Variants in HOXB9 observed in about 807,000 individuals in gnomAD.
The protein encoded by HOXB9 is homeobox protein Hox-B9.
Under a neutral mutation model 21.5 loss-of-function variants are expected in HOXB9, and 10 were observed. The observed-to-expected ratio is 0.47, with a 90% CI of 0.29 to 0.79. HOXB9 has a LOEUF of 0.79. Among genes scored for constraint, HOXB9 ranks in the 30% least tolerant of loss-of-function variants. The pLI is 0.10. For synonymous variants in HOXB9, 156 were observed against 151.2 expected (o/e 1.03, Z -0.23); for missense variants, 375 against 338.7 (o/e 1.11, Z -0.84).
In HOXB9 at chr17:48,622,417, G is replaced by C. The variant is rs1478841247; in HGVS notation, c.*483C>G. 1 of 154,794 alleles carries C rather than the reference G, an allele frequency of 6.5e-6. No individual in the cohort carries two copies. Among genetic ancestry groups the C allele is most frequent in the Non-Finnish European group, 1.4e-5 (1 of 69,480 alleles). 9.6% of individuals were successfully genotyped at this position (154,794 alleles called of 1,614,324 possible). A position where few individuals can be genotyped will look rare whatever the true frequency, so the allele number is the denominator to read the frequency against. ...GGCTGTTTTGCCAAATTTGGTGTGC[G>C]ATGGTCTGCAACTGGAGTGTCACCT... On this transcript the variant is annotated 3_prime_UTR_variant, in exon 2 of 2. Transcript: ENST00000311177.
At chr17:48,625,115 C>A (rs2070800988) in intron 1 of HOXB9, among the ~76,000 whole-genome samples, 1 of 152,230 alleles carries the variant, frequency 6.6e-6, no homozygotes, top group Non-Finnish European at 1.5e-5. Context: ...CCGGCGCATC[C>A]GGGGAGGGGG....
intron 1 of HOXB9, among the ~76,000 whole-genome samples, chr17:48,624,505 T>C (rs992729437): frequency 2.0e-5 from 3 of 152,126 alleles, no homozygotes; most frequent in Non-Finnish European, 2.9e-5. Context: ...GGATTCCACC[T>C]GGCAGGTTGG....
At position 48,623,002 on chromosome 17, in the gene HOXB9, T is replaced by C. The variant is rs763866277; in HGVS notation, c.651A>G (p.Glu217=). ...NMYLTRDRRH[E]VARLLNLSER... Reference sequence around the variant, plus strand: ...CACTCAGATTGAGGAGTCTGGCCACTTCGTGCCTACGGTCCCTGGTGAGGT... The same window carrying C: ...CACTCAGATTGAGGAGTCTGGCCACCTCGTGCCTACGGTCCCTGGTGAGGT... The change falls in exon 2 of 2, where the codon GAA becomes GAG. Residue 217 remains glutamate (E), a synonymous_variant. Coordinates refer to ENST00000311177, the MANE Select transcript of HOXB9 (RefSeq NM_024017.5). 1.1e-5 allele frequency: 18 copies of C among 1,614,126 alleles called. No individual in the cohort carries two copies. The South Asian group carries it at 1.5e-4, about 14-fold the overall frequency.
rs368379032 is a variant in HOXB9 at position 48,622,979 on chromosome 17, C to T, written c.674G>A (p.Ser225Asn). ...AAACCAGATTTTGACTTGTCTCTCACTCAGATTGAGGAGTCTGGCCACTTC... is the reference window on the plus strand; with the variant it reads ...AAACCAGATTTTGACTTGTCTCTCATTCAGATTGAGGAGTCTGGCCACTTC... ...RHEVARLLNL[S>N]ERQVKIWFQN... Residue 225 changes from serine to asparagine, a missense_variant, in exon 2 of 2, where the codon AGT (serine) becomes AAT (asparagine). By Grantham distance (46) the Ser-to-Asn change is conservative. Transcript: ENST00000311177. The T allele has an allele frequency of 2.8e-5, 45 of 1,614,122 alleles. No individual in the cohort carries two copies. The highest frequency in any genetic ancestry group is 3.4e-5 in the Non-Finnish European group (40 of 1,180,042).
At position 48,626,066 on chromosome 17, in the gene HOXB9, C is replaced by A. The variant is rs1206969282; in HGVS notation, c.204G>T (p.Pro68=). Residue 68 remains proline (P), a synonymous_variant, in exon 1 of 2, where the codon CCG becomes CCT. Coordinates refer to ENST00000311177, the MANE Select transcript of HOXB9 (RefSeq NM_024017.5). ...CGGACGGCAGGCTCCCGGACGCGTG[C>A]GGGCTCAGCGGCGCCCAGGAGGCGC... ...VFGASWAPLS[P]HASGSLPSVY... is the part of the protein sequence containing the mutation. The A allele has an allele frequency of 6.3e-7, 1 of 1,577,136 alleles. No homozygotes were observed. Among genetic ancestry groups the A allele is most frequent in the Non-Finnish European group, 8.6e-7 (1 of 1,168,654 alleles).
At position 48,626,339 on chromosome 17, in the gene HOXB9, G is replaced by T; in HGVS notation, c.-70C>A. ...GCGCGGCGGCGCCCAAGCAGGGAGA[G>T]GTGGCACCCGGACCGGTGTGAGGGC... On this transcript the variant is annotated 5_prime_UTR_variant, in exon 1 of 2. Transcript: ENST00000311177. The T allele has an allele frequency of 6.7e-7, 1 of 1,490,904 alleles. No homozygotes were observed. Among genetic ancestry groups the T allele is most frequent in the Admixed American group, 2.0e-5 (1 of 50,492 alleles). 92.4% of individuals were successfully genotyped at this position (1,490,904 alleles called of 1,614,324 possible).
At chr17:48,623,950 G>A (rs1257815323) in intron 1 of HOXB9, among the ~76,000 whole-genome samples, 1 of 152,170 alleles carries the variant, frequency 6.6e-6, no homozygotes, top group Admixed American at 6.5e-5. Context: ...GAATAAAATT[G>A]CTCCAGTCCC....
At chr17:48,624,284 G>A (rs992884972) in intron 1 of HOXB9, among the ~76,000 whole-genome samples, 5 of 152,122 alleles carry the variant, frequency 3.3e-5, no homozygotes, top group Non-Finnish European at 5.9e-5. Flanking sequence ...AATTTGCAGC[G>A]CTATTTCCTT....
chr17:48,625,742 T>A lies in HOXB9; in HGVS notation c.517+11A>T, dbSNP rs369814321. 6.5e-7 allele frequency: 1 copy of A among 1,544,716 alleles called. No individual in the cohort carries two copies. ...TTCGGCCTGGGTATTTCCTCACTTT[T>A]TATAACTTACTTTGATCCGGCCTCT... On this transcript the variant is annotated intron_variant, in intron 1 of 1. Coordinates refer to ENST00000311177, the MANE Select transcript of HOXB9 (RefSeq NM_024017.5).
At position 48,622,873 on chromosome 17, in the gene HOXB9, G is replaced by C; in HGVS notation, c.*27C>G. 6.5e-7 allele frequency: 1 copy of C among 1,529,722 alleles called. No homozygotes were observed. Among genetic ancestry groups the C allele is most frequent in the Non-Finnish European group, 9.1e-7 (1 of 1,104,612 alleles). The allele number at this position is 1,529,722 out of a possible 1,614,324, so 94.8% of individuals were successfully genotyped here. A position where few individuals can be genotyped will look rare whatever the true frequency, so the allele number is the denominator to read the frequency against. On this transcript the variant is annotated 3_prime_UTR_variant, in exon 2 of 2. Coordinates refer to ENST00000311177, the MANE Select transcript of HOXB9 (RefSeq NM_024017.5). ...CTAAGAGTGAGATGGGGAAGAGCTA[G>C]GGAGGACTGGGGGTAATCTTTAATC...
In HOXB9 at chr17:48,622,793, T is replaced by C. The variant is rs961278878; in HGVS notation, c.*107A>G. On this transcript the variant is annotated 3_prime_UTR_variant, in exon 2 of 2. Transcript: ENST00000311177. Reference sequence around the variant, plus strand: ...AAAGGACTTGGAAGAGAGACTCCCTTCCCCATTCACTTGAATACATCCCAG... The same window carrying C: ...AAAGGACTTGGAAGAGAGACTCCCTCCCCCATTCACTTGAATACATCCCAG... 1 of 780,840 alleles carries C rather than the reference T, an allele frequency of 1.3e-6. No homozygotes were observed. The highest frequency in any genetic ancestry group is 2.1e-6 in the Non-Finnish European group (1 of 476,322). The allele number at this position is 780,840 out of a possible 1,614,324, so 48.4% of individuals were successfully genotyped here.
Position 48,626,042 on chromosome 17 carries a change from G to A in HOXB9, c.228C>T (p.Ser76=). The change falls in exon 1 of 2, where the codon TCC becomes TCT. Residue 76 remains serine (S), a synonymous_variant. Coordinates refer to ENST00000311177, the MANE Select transcript of HOXB9 (RefSeq NM_024017.5). ...GGGGCTGGATGTAAGGGTGGTAGACGGACGGCAGGCTCCCGGACGCGTGCG... is the reference window on the plus strand; with the variant it reads ...GGGGCTGGATGTAAGGGTGGTAGACAGACGGCAGGCTCCCGGACGCGTGCG... ...LSPHASGSLP[S]VYHPYIQPQG... 1 of 1,578,538 alleles carries A rather than the reference G, an allele frequency of 6.3e-7. No homozygotes were observed. Among genetic ancestry groups the A allele is most frequent in the Non-Finnish European group, 8.6e-7 (1 of 1,169,554 alleles).
intron 1 of HOXB9, 41 bp from the exon 2 acceptor site, chr17:48,623,176 G>A (rs1244659472): frequency 2.0e-6 from 3 of 1,526,324 alleles, no homozygotes; most frequent in South Asian, 1.2e-5. Flanking sequence ...AAGGAAGGGG[G>A]TGAAGGGCCC....
chr17:48,623,926 G>T (rs76976494), intron 1 of HOXB9, among the ~76,000 whole-genome samples: 8,692 of 152,242 alleles, frequency 0.057, 386 homozygotes, highest in South Asian at 0.15. Flanking sequence ...TAACGCAAGT[G>T]CAGGGAAATT....
chr17:48,622,918 C>T lies in HOXB9; in HGVS notation c.735G>A (p.Lys245=). Residue 245 remains lysine (K), a synonymous_variant, in exon 2 of 2, where the codon AAG becomes AAA. Transcript: ENST00000311177. ...NRRMKMKKMN[K]EQGKE ...TTAATCTTTACTCTTTGCCCTGCTC[C>T]TTATTCATTTTCTTCATTTTCATCC... The T allele has an allele frequency of 6.2e-7, 1 of 1,613,666 alleles. No individual in the cohort carries two copies. The highest frequency in any genetic ancestry group is 2.2e-5 in the East Asian group (1 of 44,884).
chr17:48,624,158 A>T (rs2070793262), intron 1 of HOXB9, among the ~76,000 whole-genome samples: 1 of 152,194 alleles, frequency 6.6e-6, no homozygotes, highest in Non-Finnish European at 1.5e-5. Flanking sequence ...AAATAAAGCT[A>T]AGCCAATTAA....
Position 48,622,207 on chromosome 17 carries a change from G to T in HOXB9, c.*693C>A, listed in dbSNP as rs2070776359. Reference sequence around the variant, plus strand: ...TTGTACTTTCTAGCCCACCGGCTTGGGGGCTAGGTTTGCTCCATCTTCCCC... The same window carrying T: ...TTGTACTTTCTAGCCCACCGGCTTGTGGGCTAGGTTTGCTCCATCTTCCCC... On this transcript the variant is annotated 3_prime_UTR_variant, in exon 2 of 2. Transcript: ENST00000311177. 1 of 152,612 alleles carries T rather than the reference G, an allele frequency of 6.6e-6. No homozygotes were observed. The highest frequency in any genetic ancestry group is 1.5e-5 in the Non-Finnish European group (1 of 68,056). The allele number at this position is 152,612 out of a possible 1,614,324, so 9.5% of individuals were successfully genotyped here.
At chr17:48,624,042 C>T (rs2070792352) in intron 1 of HOXB9, among the ~76,000 whole-genome samples, 1 of 152,098 alleles carries the variant, frequency 6.6e-6, no homozygotes, top group African/African-American at 2.4e-5. Flanking sequence ...TATGTGGGGG[C>T]TGGAGGGGAG....
In HOXB9 at chr17:48,622,105, A is replaced by G. The variant is rs1240637005; in HGVS notation, c.*795T>C. The stretch of plus-strand genomic sequence containing the variant: ...CATGCGGAATTAAACATTTCCTGCA[A>G]CAAAATGTATATGTTGGTGGGAGGT... On this transcript the variant is annotated 3_prime_UTR_variant, in exon 2 of 2. Coordinates refer to ENST00000311177, the MANE Select transcript of HOXB9 (RefSeq NM_024017.5). The G allele has an allele frequency of 6.6e-6, 1 of 152,296 alleles. No homozygotes were observed. Among genetic ancestry groups the G allele is most frequent in the Non-Finnish European group, 1.5e-5 (1 of 68,054 alleles). 9.4% of individuals were successfully genotyped at this position (152,296 alleles called of 1,614,324 possible).
Sources: allele counts gnomAD v4.1 joint callset (sites outside exome capture counted in the v4.1 genomes callset), GRCh38; gene constraint gnomAD v4.1.1; transcripts MANE v1.5; gene names NCBI Gene and HGNC (gene_info 2026-07-23, HGNC 2026-07-21).